The following GOLGA3 variants were observed in gnomAD, a reference collection of about 807,000 sequenced individuals.
GOLGA3 encodes the protein golgin subfamily A member 3.
GOLGA3 carries 75 observed loss-of-function variants against 169.4 expected under a neutral mutation model. The ratio of observed to expected loss-of-function variants is 0.44; its 90% confidence interval spans 0.37 to 0.54. The LOEUF (loss-of-function observed/expected upper bound fraction) is 0.54. Ranked by LOEUF, GOLGA3 falls within the 20% of genes least tolerant of loss-of-function variation. The probability of loss-of-function intolerance (pLI) is 0.00; values close to 1 mark genes in which losing one functional copy is unlikely to be tolerated. For missense variants in GOLGA3, 1,899 were observed against 1,930.0 expected (o/e 0.98, Z 0.30); for synonymous variants, 824 against 822.4 (o/e 1.00, Z -0.03).
At chr12:132,798,584 A>G in intron 8 of GOLGA3, 107 bp from the exon 9 acceptor site, 1 of 774,454 alleles carries the variant, frequency 1.3e-6, no homozygotes, top group South Asian at 1.6e-5. Flanking sequence ...CTGCCCCCTC[A>G]GTGTCTCCCA....
At chr12:132,820,720 A>G (rs1018173382) in intron 2 of GOLGA3, among the ~76,000 whole-genome samples, 1 of 152,178 alleles carries the variant, frequency 6.6e-6, no homozygotes, top group Non-Finnish European at 1.5e-5. Flanking sequence ...GGGGGCTAAC[A>G]TAACACTGTG....
At chr12:132,827,372 C>G (rs543907117) in intron 1 of GOLGA3, among the ~76,000 whole-genome samples, 33 of 152,320 alleles carry the variant, frequency 2.2e-4, no homozygotes, top group African/African-American at 7.5e-4. Flanking sequence ...GGCCTCAGCT[C>G]CCGACCCTCC....
intron 1 of GOLGA3, chr12:132,826,326 G>A (rs2136839799): frequency 1.5e-6 from 1 of 667,526 alleles, no homozygotes; most frequent in Non-Finnish European, 2.5e-6. Flanking sequence ...AAGGAAGGAT[G>A]GGATGACCAG....
Position 132,804,729 on chromosome 12 carries a change from G to A in GOLGA3, c.1584C>T (p.Ser528=), listed in dbSNP as rs762890464. 7 of 1,612,694 alleles carry A rather than the reference G, an allele frequency of 4.3e-6. No individual in the cohort carries two copies. The highest frequency in any genetic ancestry group is 3.4e-6 in the Non-Finnish European group (4 of 1,179,004). ...KVEDMQRSML[S]KDNTVHDLRQ... is the part of the protein sequence containing the mutation. ...GGCCAGCCTCACCTGTGTTGTCCTTGCTGAGCATGCTCCTCTGCATGTCCT... is the reference window on the plus strand; with the variant it reads ...GGCCAGCCTCACCTGTGTTGTCCTTACTGAGCATGCTCCTCTGCATGTCCT... Residue 528 remains serine (S), a synonymous_variant, in exon 7 of 24, where the codon AGC becomes AGT. Transcript: ENST00000450791. The surrounding 1 kb of genome is among the most constrained non-coding windows in gnomAD (Gnocchi z 4.1).
At chr12:132,812,322 G>T (rs1209146846) in intron 4 of GOLGA3, among the ~76,000 whole-genome samples, 2 of 152,072 alleles carry the variant, frequency 1.3e-5, no homozygotes, top group Non-Finnish European at 2.9e-5. Context: ...CCTGCCTGCA[G>T]ACACAACATC....
chr12:132,822,863 AGT>A (rs1307241615), intron 1 of GOLGA3, among the ~76,000 whole-genome samples: 1 of 152,208 alleles, frequency 6.6e-6, no homozygotes, highest in African/African-American at 2.4e-5. Flanking sequence ...CGGAGGTTGC[AGT>A]GAGCTGAGAT....
At chr12:132,788,917 A>AC in intron 13 of GOLGA3, 110 bp downstream of exon 13, 1 of 311,264 alleles carries the variant, frequency 3.2e-6, no homozygotes, top group Non-Finnish European at 5.3e-6. Context: ...CCCGACCCAG[A>AC]CAGACCCCGC....
In GOLGA3 at chr12:132,784,290, C is replaced by T. The variant is rs781552548; in HGVS notation, c.3141G>A (p.Leu1047=). 1.9e-6 allele frequency: 3 copies of T among 1,608,860 alleles called. No individual in the cohort carries two copies. The highest frequency in any genetic ancestry group is 2.5e-6 in the Non-Finnish European group (3 of 1,179,848). Residue 1047 remains leucine, a synonymous_variant, in exon 16 of 24, where the codon CTG becomes CTA. Transcript: ENST00000450791. ...SLALHERIQA[L]EAELQAVSHS... ...GACTGACAGCCTGCAGCTCCGCCTC[C>T]AGGGCCTGGATCCTTTCCTAAGGGC...
chr12:132,824,663 C>T (rs61952774), intron 1 of GOLGA3, among the ~76,000 whole-genome samples: 18,591 of 152,082 alleles, frequency 0.12, 1,407 homozygotes, highest in South Asian at 0.17. Flanking sequence ...CTGTGTGCAA[C>T]GAATTCTCAA....
intron 21 of GOLGA3, 103 bp downstream of exon 21, chr12:132,776,531 G>T (rs7136321): frequency 1.6e-6 from 1 of 637,696 alleles, no homozygotes; most frequent in East Asian, 1.6e-4. Context: ...TCCCGCCTGT[G>T]CCCAGCGCCT....
intron 4 of GOLGA3, among the ~76,000 whole-genome samples, chr12:132,812,759 T>C (rs1487020656): frequency 6.6e-6 from 1 of 152,210 alleles, no homozygotes; most frequent in East Asian, 1.9e-4. Flanking sequence ...TACAGAGACA[T>C]CTTTTCTAAG....
chr12:132,823,873 A>T (rs1950313782), intron 1 of GOLGA3, among the ~76,000 whole-genome samples: 2 of 152,188 alleles, frequency 1.3e-5, no homozygotes, highest in Admixed American at 1.3e-4. Context: ...ACTTGAGGTC[A>T]GAATTTCAAG....
rs754064767 is a variant in GOLGA3 at position 132,777,061 on chromosome 12, A to G, written c.3752T>C (p.Ile1251Thr). 1.3e-5 allele frequency: 21 copies of G among 1,600,524 alleles called. No individual in the cohort carries two copies. The highest frequency in any genetic ancestry group is 5.4e-5 in the Admixed American group (3 of 55,442). ...QIREGKHSQE[I>T]AQFQAELAEA... ...GGCCAGCTCTGCTTGGAACTGTGCT[A>G]TCTCCTGGGAATGTTTCCCCTCCCG... is the stretch of plus-strand genomic sequence containing the variant. Residue 1251 changes from isoleucine (I) to threonine (T), a missense_variant, in exon 20 of 24, where the codon ATA (isoleucine) becomes ACA (threonine). Physicochemically the swap from Ile to Thr is moderately conservative, Grantham distance 89 (BLOSUM62 -1). Transcript: ENST00000450791. This position sits in a 1 kb window ranked among gnomAD's most constrained non-coding sequence, Gnocchi z 4.7.
At chr12:132,776,811 T>C in intron 20 of GOLGA3, 55 bp from the exon 21 acceptor site, 3 of 1,598,546 alleles carry the variant, frequency 1.9e-6, no homozygotes, top group Non-Finnish European at 2.6e-6. Flanking sequence ...TTTACTGCCC[T>C]GGAAAATGGC....
chr12:132,777,626 G>T lies in GOLGA3; in HGVS notation c.3722+40C>A, dbSNP rs1429122786. The T allele has an allele frequency of 5.0e-6, 8 of 1,610,622 alleles. No individual in the cohort carries two copies. The Admixed American group carries it at 5.0e-5, about 10-fold the overall frequency. On this transcript the variant is annotated intron_variant, in intron 19 of 23. Transcript: ENST00000450791. The surrounding 1 kb of genome is among the most constrained non-coding windows in gnomAD (Gnocchi z 4.7). The stretch of plus-strand genomic sequence containing the variant: ...TGAATTAGACCCCGCCCATTGCCAG[G>T]ACAGCCATGTTTGAGGGCTGGCGGG...
rs1949299460 is a variant in GOLGA3, at chr12:132,804,636, G to A, written c.1597+80C>T. ...ACCAGTCAGGGAAGGAGGAGGGCGT[G>A]GCGGGGGCCAGTCGAGGAAGGAGGA... is the stretch of plus-strand genomic sequence containing the variant. On this transcript the variant is annotated intron_variant, in intron 7 of 23. Transcript: ENST00000450791. The surrounding 1 kb of genome is among the most constrained non-coding windows in gnomAD (Gnocchi z 4.1). 9.3e-6 allele frequency: 11 copies of A among 1,185,042 alleles called. No individual in the cohort carries two copies. Among genetic ancestry groups the A allele is most frequent in the Middle Eastern group, 2.4e-4 (1 of 4,122 alleles). The allele number at this position is 1,185,042 out of a possible 1,614,324, so 73.4% of individuals were successfully genotyped here. A position where few individuals can be genotyped will look rare whatever the true frequency, so the allele number is the denominator to read the frequency against.
chr12:132,782,345 T>G lies in GOLGA3; in HGVS notation c.3416A>C (p.Glu1139Ala). The change falls in exon 17 of 24, where the codon GAA (glutamate) becomes GCA (alanine). Residue 1139 changes from glutamate to alanine, a missense_variant. Physicochemically the swap from Glu to Ala is moderately radical, Grantham distance 107. Transcript: ENST00000450791. The stretch of plus-strand genomic sequence containing the variant: ...TGCCTCCCTCTTGGCCAAAGCTGTT[T>G]CTAGGATGCTGTTGTGTTCCCGCAG... ...AALREHNSIL[E>A]TALAKREADL... The G allele has an allele frequency of 2.5e-6, 4 of 1,614,200 alleles. No individual in the cohort carries two copies. The highest frequency in any genetic ancestry group is 2.5e-6 in the Non-Finnish European group (3 of 1,180,018).
intron 18 of GOLGA3, among the ~76,000 whole-genome samples, chr12:132,778,920 G>C (rs1012320618): frequency 2.0e-5 from 3 of 151,632 alleles, no homozygotes; most frequent in African/African-American, 7.3e-5. Flanking sequence ...AAAAAATTCA[G>C]TGAACCCTAA....
intron 2 of GOLGA3, among the ~76,000 whole-genome samples, chr12:132,817,569 C>G (rs112169100): frequency 6.6e-3 from 18 of 2,720 alleles, no homozygotes; most frequent in Non-Finnish European, 0.013. Flanking sequence ...CACACTCTAA[C>G]GTGAACCCGC....
Sources: gnomAD v4.1 joint callset for allele counts (sites outside exome capture counted in the v4.1 genomes callset) on GRCh38, gnomAD v4.1.1 for gene constraint, Gnocchi (gnomAD v3.1) non-coding constraint, MANE v1.5 for transcripts, NCBI Gene and HGNC (gene_info 2026-07-23, HGNC 2026-07-21) for gene names.